Variants in PTPRD observed in about 807,000 individuals in gnomAD.
PTPRD encodes the protein receptor-type tyrosine-protein phosphatase delta.
A neutral mutation model predicts 214.5 loss-of-function variants in PTPRD; 34 were observed. The observed-to-expected ratio is 0.16, with a 90% CI of 0.12 to 0.21. The LOEUF (loss-of-function observed/expected upper bound fraction) is 0.21. Ranked by LOEUF, PTPRD falls within the 10% of genes least tolerant of loss-of-function variation. PTPRD has a pLI of 1.00. For synonymous variants in PTPRD, 1,128 were observed against 845.7 expected (o/e 1.33, Z -5.79); for missense variants, 2,545 against 2,398.7 (o/e 1.06, Z -1.27).
At chr9:9,268,864 C>A (rs1941463125) in intron 9 of PTPRD, among the ~76,000 whole-genome samples, 1 of 148,402 alleles carries the variant, frequency 6.7e-6, no homozygotes, top group Non-Finnish European at 1.5e-5. Flanking sequence ...AAACTCAACT[C>A]AAAATGGATT....
Position 10,021,384 on chromosome 9 carries a change from A to C in PTPRD, c.-472+12334T>G, listed in dbSNP as rs1422364227. On this transcript the variant is annotated intron_variant, in intron 4 of 45. Coordinates refer to ENST00000381196, the MANE Select transcript of PTPRD (RefSeq NM_002839.4). ...ATTATTAGTATTAGGTTGATGCAAAAGTAATCACGGTGTAGCTTAGGTGTA... is the reference window on the plus strand; with the variant it reads ...ATTATTAGTATTAGGTTGATGCAAACGTAATCACGGTGTAGCTTAGGTGTA... Among the ~76,000 whole-genome samples, 10 of 16,498 alleles carry C rather than the reference A, an allele frequency of 6.1e-4. 5 individuals are homozygous for C. The allele number at this position is 16,498 out of a possible 152,430, so 10.8% of individuals were successfully genotyped here. A position where few individuals can be genotyped will look rare whatever the true frequency, so the allele number is the denominator to read the frequency against.
intron 3 of PTPRD, among the ~76,000 whole-genome samples, chr9:10,046,963 T>C (rs1223820113): frequency 6.6e-6 from 1 of 151,884 alleles, no homozygotes; most frequent in Non-Finnish European, 1.5e-5. Flanking sequence ...TGATAATAAG[T>C]AGATCAAATA....
chr9:10,510,783 G>C (rs1165504445), intron 2 of PTPRD, among the ~76,000 whole-genome samples: 1 of 151,864 alleles, frequency 6.6e-6, no homozygotes, highest in Admixed American at 6.6e-5. Flanking sequence ...TTGCCCTATT[G>C]TGCTACAAAA....
In PTPRD at chr9:8,465,652, C is replaced by T; in HGVS notation, c.3528G>A (p.Lys1176=). 6.2e-7 allele frequency: 1 copy of T among 1,611,806 alleles called. No individual in the cohort carries two copies. Among genetic ancestry groups the T allele is most frequent in the Non-Finnish European group, 8.5e-7 (1 of 1,178,604 alleles). ...CTCTCCCATAACGGATGCTTCTGCGCTTCCTAGATATCTCCTTAAGCAGCT... is the reference window on the plus strand; with the variant it reads ...CTCTCCCATAACGGATGCTTCTGCGTTTCCTAGATATCTCCTTAAGCAGCT... ...LDELLKEISR[K]RRSIRYGREV... is the part of the protein sequence containing the mutation. Residue 1176 remains lysine (K), a synonymous_variant, in exon 32 of 46, where the codon AAG becomes AAA. Transcript: ENST00000381196.
intron 3 of PTPRD, among the ~76,000 whole-genome samples, chr9:10,071,966 G>T (rs1297450638): frequency 6.6e-6 from 1 of 151,702 alleles, no homozygotes; most frequent in African/African-American, 2.4e-5. Context: ...AAGAGATCCT[G>T]TGTATTTGCT....
intron 2 of PTPRD, among the ~76,000 whole-genome samples, chr9:10,348,788 G>C (rs536558094): frequency 1.1e-4 from 16 of 152,234 alleles, no homozygotes; most frequent in South Asian, 2.1e-4. Context: ...AAAAGGAAAA[G>C]TCCAGCTGGG....
At chr9:9,259,949 A>C (rs2099979389) in intron 9 of PTPRD, among the ~76,000 whole-genome samples, 1 of 151,882 alleles carries the variant, frequency 6.6e-6, no homozygotes, top group Non-Finnish European at 1.5e-5. Flanking sequence ...CCTTAGCTGG[A>C]CAATGCTTAG....
At position 10,120,858 on chromosome 9, in the gene PTPRD, C is replaced by G. The variant is rs142099242; in HGVS notation, c.-544-87068G>C. Among the ~76,000 whole-genome samples the G allele has an allele frequency of 3.8e-3, 580 of 152,126 alleles. 3 individuals carry two copies. The highest frequency in any genetic ancestry group is 0.013 in the African/African-American group (555 of 41,534). The stretch of plus-strand genomic sequence containing the variant: ...CCTGCTATCAATCTCACCTAGCATT[C>G]CTTGATGCCCCCTTCCATAGTAATA... On this transcript the variant is annotated intron_variant, in intron 3 of 45. Transcript: ENST00000381196.
intron 3 of PTPRD, among the ~76,000 whole-genome samples, chr9:10,068,235 C>A (rs552894764): frequency 4.1e-4 from 63 of 151,962 alleles, no homozygotes; most frequent in Admixed American, 1.2e-3. Context: ...TCCAAATCTG[C>A]CATTTGCTGG....
At chr9:10,103,456 G>T (rs1300535254) in intron 3 of PTPRD, among the ~76,000 whole-genome samples, 2 of 145,540 alleles carry the variant, frequency 1.4e-5, no homozygotes, top group Admixed American at 1.4e-4. Context: ...TTCCACTATG[G>T]TTTAATTAGC....
At chr9:8,630,660 G>C (rs962479421) in intron 14 of PTPRD, among the ~76,000 whole-genome samples, 1 of 151,764 alleles carries the variant, frequency 6.6e-6, no homozygotes, top group African/African-American at 2.4e-5. Flanking sequence ...TTTCATACAA[G>C]TATACTTACA....
intron 14 of PTPRD, among the ~76,000 whole-genome samples, chr9:8,603,916 G>C (rs1158286005): frequency 6.6e-6 from 1 of 152,104 alleles, no homozygotes; most frequent in African/African-American, 2.4e-5. Context: ...GTATTAAAAA[G>C]CATTAGACAC....
intron 2 of PTPRD, among the ~76,000 whole-genome samples, chr9:10,536,079 G>A (rs941977144): frequency 1.3e-5 from 2 of 152,088 alleles, no homozygotes; most frequent in African/African-American, 2.4e-5. Context: ...AGCGGGTGTC[G>A]TGCTAGACTA....
intron 10 of PTPRD, among the ~76,000 whole-genome samples, chr9:9,134,020 T>C (rs1056639589): frequency 6.0e-5 from 9 of 151,162 alleles, no homozygotes; most frequent in Non-Finnish European, 1.0e-4. Flanking sequence ...CTGCAGTCTT[T>C]GGCACCTGCA....
chr9:9,997,796 A>G (rs530170399), intron 4 of PTPRD, among the ~76,000 whole-genome samples: 4 of 152,172 alleles, frequency 2.6e-5, no homozygotes, highest in East Asian at 3.9e-4. Flanking sequence ...AACATGGCCA[A>G]CATGGCAATT....
chr9:10,602,196 C>A (rs764631118), intron 2 of PTPRD, among the ~76,000 whole-genome samples: 1 of 151,656 alleles, frequency 6.6e-6, no homozygotes, highest in South Asian at 2.1e-4. Context: ...AAATGTATAC[C>A]TGAGACATAA....
chr9:9,763,068 A>G (rs1046776231), intron 6 of PTPRD, among the ~76,000 whole-genome samples: 86 of 152,282 alleles, frequency 5.6e-4, no homozygotes, highest in African/African-American at 2.0e-3. Context: ...CTCTTCTTAT[A>G]CAGCCTCCAA....
chr9:9,277,919 G>A (rs1339315795), intron 9 of PTPRD, among the ~76,000 whole-genome samples: 2 of 151,276 alleles, frequency 1.3e-5, no homozygotes, highest in African/African-American at 4.8e-5. Flanking sequence ...CCAAACCTGA[G>A]CCCAGTGATA....
intron 8 of PTPRD, among the ~76,000 whole-genome samples, chr9:9,534,136 C>T (rs995202187): frequency 6.6e-6 from 1 of 152,064 alleles, no homozygotes; most frequent in Non-Finnish European, 1.5e-5. Context: ...TCCTCTCATA[C>T]ATCGTGTTGC....
Sources: gnomAD v4.1 joint callset for allele counts (sites outside exome capture counted in the v4.1 genomes callset) on GRCh38, gnomAD v4.1.1 for gene constraint, MANE v1.5 for transcripts, NCBI Gene and HGNC (gene_info 2026-07-23, HGNC 2026-07-21) for gene names.